The following KIAA1549L variants were observed in gnomAD, a reference collection of about 807,000 sequenced individuals.
KIAA1549L encodes the protein UPF0606 protein KIAA1549L.
KIAA1549L carries 88 observed loss-of-function variants against 160.7 expected under a neutral mutation model. That is an observed-to-expected ratio of 0.55 (90% CI 0.46 to 0.65). KIAA1549L has a LOEUF of 0.65. KIAA1549L is among the 30% of genes least tolerant of loss of function. KIAA1549L has a pLI of 0.00. For missense variants in KIAA1549L, 2,258 were observed against 2,437.5 expected (o/e 0.93, Z 1.55); for synonymous variants, 950 against 976.7 (o/e 0.97, Z 0.51).
At chr11:33,397,092 G>T (rs1850391475) in intron 1 of KIAA1549L, among the ~76,000 whole-genome samples, 1 of 151,306 alleles carries the variant, frequency 6.6e-6, no homozygotes, top group Non-Finnish European at 1.5e-5. Flanking sequence ...CAGCATTTTG[G>T]GAGACCAAGG....
chr11:33,418,690 G>A (rs1350718847), intron 1 of KIAA1549L, among the ~76,000 whole-genome samples: 1 of 152,138 alleles, frequency 6.6e-6, no homozygotes, highest in Non-Finnish European at 1.5e-5. Context: ...TACCTGGGGT[G>A]GATGGAGGCT....
intron 1 of KIAA1549L, among the ~76,000 whole-genome samples, chr11:33,394,366 A>G (rs1414836825): frequency 6.6e-6 from 1 of 151,984 alleles, no homozygotes; most frequent in Non-Finnish European, 1.5e-5. Context: ...AGCCTGGACA[A>G]CAGAGCCAGA....
At chr11:33,430,009 C>CCCTT (rs762169127) in intron 1 of KIAA1549L, among the ~76,000 whole-genome samples, 12,384 of 93,260 alleles carry the variant, frequency 0.13, 807 homozygotes, top group Middle Eastern at 0.19. Flanking sequence ...GCTCTGCCCT[C>CCCTT]CCTTCCTTCC....
At chr11:33,491,119 C>T (rs1852647942) in intron 1 of KIAA1549L, among the ~76,000 whole-genome samples, 1 of 152,192 alleles carries the variant, frequency 6.6e-6, no homozygotes, top group African/African-American at 2.4e-5. Flanking sequence ...AATTTTATGT[C>T]TGGCTTAGTG....
At position 33,668,652 on chromosome 11, in the gene KIAA1549L, A is replaced by G. The variant is rs1219326002; in HGVS notation, c.*498A>G. The G allele has an allele frequency of 1.3e-5, 2 of 156,950 alleles. No individual in the cohort carries two copies. Among genetic ancestry groups the G allele is most frequent in the African/African-American group, 4.8e-5 (2 of 41,494 alleles). The allele number at this position is 156,950 out of a possible 1,614,324, so 9.7% of individuals were successfully genotyped here. On this transcript the variant is annotated 3_prime_UTR_variant, in exon 21 of 21. Coordinates refer to ENST00000658780, the MANE Select transcript of KIAA1549L (RefSeq NM_012194.3). ...GCATTAAAATCAGTTTGTAAGGGAG[A>G]CACTGACTCCAGCCAAGAAACCTGA...
intron 1 of KIAA1549L, among the ~76,000 whole-genome samples, chr11:33,430,764 G>C (rs541247056): frequency 6.6e-6 from 1 of 152,178 alleles, no homozygotes; most frequent in Non-Finnish European, 1.5e-5. Flanking sequence ...AGCCCTGGGA[G>C]GGCAGGAGGT....
At chr11:33,419,779 G>A (rs889779889) in intron 1 of KIAA1549L, among the ~76,000 whole-genome samples, 4 of 151,874 alleles carry the variant, frequency 2.6e-5, no homozygotes, top group Admixed American at 6.6e-5. Context: ...CCCAGGAAGC[G>A]GAGGTTGCAG....
At chr11:33,471,564 C>T (rs897092283) in intron 1 of KIAA1549L, among the ~76,000 whole-genome samples, 3 of 152,166 alleles carry the variant, frequency 2.0e-5, no homozygotes, top group African/African-American at 7.2e-5. Context: ...CAGCTTTATT[C>T]CTTCTTAGAA....
At chr11:33,614,584 ATTTTTTTTTTTTTT>A (rs869257067) in intron 15 of KIAA1549L, among the ~76,000 whole-genome samples, 2 of 5,116 alleles carry the variant, frequency 3.9e-4, no homozygotes, top group Non-Finnish European at 7.0e-4. Flanking sequence ...ATATATATAT[ATTTTTTTTTTTTTT>A]TTTTTTTTTT....
At chr11:33,547,664 C>A in intron 3 of KIAA1549L, 100 bp from the exon 4 acceptor site, 1 of 738,556 alleles carries the variant, frequency 1.4e-6, no homozygotes, top group Non-Finnish European at 2.4e-6. Context: ...CCGGCTCTGC[C>A]CAGAACTTGC....
intron 16 of KIAA1549L, among the ~76,000 whole-genome samples, chr11:33,620,934 G>A (rs1203601236): frequency 6.6e-6 from 1 of 152,056 alleles, no homozygotes; most frequent in Non-Finnish European, 1.5e-5. Context: ...GAGCGCTTCT[G>A]GCAAAAGAAT....
chr11:33,552,366 A>G (rs1183870097), intron 6 of KIAA1549L, 125 bp downstream of exon 6: 2 of 1,023,614 alleles, frequency 2.0e-6, no homozygotes, highest in African/African-American at 1.6e-5. Context: ...TACTTCAGAC[A>G]TTGGTGAGGA....
chr11:33,469,016 TTTG>T (rs1852120195), intron 1 of KIAA1549L, among the ~76,000 whole-genome samples: 1 of 152,224 alleles, frequency 6.6e-6, no homozygotes, highest in Non-Finnish European at 1.5e-5. Context: ...CTTGTTGGTT[TTTG>T]TTTCTTTCAT....
At chr11:33,566,193 C>T (rs968215519) in intron 8 of KIAA1549L, among the ~76,000 whole-genome samples, 1 of 151,990 alleles carries the variant, frequency 6.6e-6, no homozygotes, top group South Asian at 2.1e-4. Flanking sequence ...TATTTGATGT[C>T]TGCCTTTGAA....
At chr11:33,424,499 T>C (rs1851079998) in intron 1 of KIAA1549L, among the ~76,000 whole-genome samples, 1 of 152,206 alleles carries the variant, frequency 6.6e-6, no homozygotes, top group South Asian at 2.1e-4. Context: ...TTTTTCTTCA[T>C]TTAATAATGT....
At chr11:33,428,198 GCAGCTTGGACCAAGTGGCTGGGC>G (rs1383833253) in intron 1 of KIAA1549L, among the ~76,000 whole-genome samples, 1 of 152,232 alleles carries the variant, frequency 6.6e-6, no homozygotes, top group African/African-American at 2.4e-5. Context: ...CAAACTGTTT[GCAGCTTGGACCAAGTGGCTGGGC>G]CAGTTTACAT....
intron 1 of KIAA1549L, among the ~76,000 whole-genome samples, chr11:33,475,688 GCT>G (rs1400516503): frequency 7.4e-6 from 1 of 135,294 alleles, no homozygotes; most frequent in Non-Finnish European, 1.6e-5. Flanking sequence ...CCCTCATCTC[GCT>G]CTCTCAAAAA....
chr11:33,500,291 C>T (rs1253906410), intron 1 of KIAA1549L, among the ~76,000 whole-genome samples: 1 of 152,114 alleles, frequency 6.6e-6, no homozygotes, highest in Non-Finnish European at 1.5e-5. Flanking sequence ...GGCTCTAAAT[C>T]CAGTGCTGTT....
chr11:33,392,950 C>T (rs1056581326), intron 1 of KIAA1549L, among the ~76,000 whole-genome samples: 1 of 152,124 alleles, frequency 6.6e-6, no homozygotes, highest in Non-Finnish European at 1.5e-5. Context: ...CCTTTTGGTC[C>T]ACGTTCTTAC....
Sources: gnomAD v4.1 joint callset for allele counts (sites outside exome capture counted in the v4.1 genomes callset) on GRCh38, gnomAD v4.1.1 for gene constraint, MANE v1.5 for transcripts, NCBI Gene and HGNC (gene_info 2026-07-23, HGNC 2026-07-21) for gene names.